The following ADIPOR1 variants were observed in gnomAD, a reference collection of about 807,000 sequenced individuals.
ADIPOR1 encodes adiponectin receptor 1, also known as adiponectin receptor protein 1.
Under a neutral mutation model 37.5 loss-of-function variants are expected in ADIPOR1, and 15 were observed. That is an observed-to-expected ratio of 0.40 (90% CI 0.27 to 0.62). The LOEUF (loss-of-function observed/expected upper bound fraction) is 0.62. Ranked by LOEUF, ADIPOR1 falls within the 20% of genes least tolerant of loss-of-function variation. The pLI is 0.42. For missense variants in ADIPOR1, 286 were observed against 478.0 expected, an observed-to-expected ratio of 0.60 and a Z score of 3.75; for synonymous variants, 173 against 173.2, an observed-to-expected ratio of 1.00 and a Z score of 0.01.
chr1:202,941,003 A>C lies in ADIPOR1; in HGVS notation c.*570T>G, dbSNP rs1301113609. The C allele has an allele frequency of 6.6e-6, 1 of 152,642 alleles. No homozygotes were observed. Among genetic ancestry groups the C allele is most frequent in the Non-Finnish European group, 1.5e-5 (1 of 68,038 alleles). 9.5% of individuals were successfully genotyped at this position (152,642 alleles called of 1,614,324 possible). The stretch of plus-strand genomic sequence containing the variant: ...CAAGAAAAAAAAAAAATTAAAACTC[A>C]AGTTACTTGAAGCCTGGACACACTT... On this transcript the variant is annotated 3_prime_UTR_variant, in exon 8 of 8. Coordinates refer to ENST00000340990, the MANE Select transcript of ADIPOR1 (RefSeq NM_015999.6).
chr1:202,944,345 A>G (rs1654219605), intron 5 of ADIPOR1: 1 of 160,782 alleles, frequency 6.2e-6, no homozygotes, highest in Non-Finnish European at 1.4e-5. Context: ...TGGGAGTAGT[A>G]TTAAGGGATA....
At chr1:202,949,969 T>G (rs1654499999) in intron 2 of ADIPOR1, among the ~76,000 whole-genome samples, 1 of 152,078 alleles carries the variant, frequency 6.6e-6, no homozygotes, top group South Asian at 2.1e-4. Flanking sequence ...CTTTATTTAT[T>G]TTTGTTTTTT....
intron 1 of ADIPOR1, among the ~76,000 whole-genome samples, chr1:202,952,020 T>C (rs1035830490): frequency 6.6e-6 from 1 of 152,200 alleles, no homozygotes; most frequent in Non-Finnish European, 1.5e-5. Context: ...AATTCCATTT[T>C]CTAGGAAAAA....
intron 1 of ADIPOR1, among the ~76,000 whole-genome samples, chr1:202,956,780 A>T (rs954990012): frequency 3.6e-4 from 55 of 152,314 alleles, no homozygotes; most frequent in African/African-American, 1.3e-3. Flanking sequence ...GGCCAGACTT[A>T]AAAAACTGAA....
At chr1:202,956,191 T>G (rs1161077257) in intron 1 of ADIPOR1, among the ~76,000 whole-genome samples, 1 of 152,196 alleles carries the variant, frequency 6.6e-6, no homozygotes, top group African/African-American at 2.4e-5. Context: ...TGATGAGTAC[T>G]GGTCCAAGAA....
chr1:202,949,943 T>A (rs1654499152), intron 2 of ADIPOR1, among the ~76,000 whole-genome samples: 1 of 152,098 alleles, frequency 6.6e-6, no homozygotes, highest in African/African-American at 2.4e-5. Context: ...TCTTATGAGG[T>A]ACTTCCTGAT....
At position 202,941,495 on chromosome 1, in the gene ADIPOR1, T is replaced by A. The variant is rs764912085; in HGVS notation, c.*78A>T. On this transcript the variant is annotated 3_prime_UTR_variant, in exon 8 of 8. Transcript: ENST00000340990. ...TCTTCTAGAAACAGACAACTCAGAC[T>A]CTTCCTCTCACTTCAGCAAAGAAGT... 6 of 1,518,268 alleles carry A rather than the reference T, an allele frequency of 4.0e-6. No individual in the cohort carries two copies. Among genetic ancestry groups the A allele is most frequent in the Non-Finnish European group, 5.3e-6 (6 of 1,133,348 alleles). 94.0% of individuals were successfully genotyped at this position (1,518,268 alleles called of 1,614,324 possible). A position where few individuals can be genotyped will look rare whatever the true frequency, so the allele number is the denominator to read the frequency against.
chr1:202,957,920 G>A (rs897034296), intron 1 of ADIPOR1, among the ~76,000 whole-genome samples: 1 of 152,230 alleles, frequency 6.6e-6, no homozygotes, highest in East Asian at 1.9e-4. Flanking sequence ...GGACTGCCGG[G>A]AGTCGGGGGA....
At position 202,942,037 on chromosome 1, in the gene ADIPOR1, T is replaced by G; in HGVS notation, c.987A>C (p.Lys329Asn). 6.2e-7 allele frequency: 1 copy of G among 1,611,650 alleles called. No homozygotes were observed. Among genetic ancestry groups the G allele is most frequent in the Non-Finnish European group, 8.5e-7 (1 of 1,178,652 alleles). ...ATTCATTTCTTACCCATATGTCAAA[T>G]TTTCCAGGAAAGAAGCGCTCAGGAA... ...ARIPERFFPGKFDIWFQSHQI... is the reference protein window; with the variant it reads ...ARIPERFFPGNFDIWFQSHQI... Residue 329 changes from lysine to asparagine, a missense_variant, in exon 7 of 8, where the codon AAA becomes AAC. Coordinates refer to ENST00000340990, the MANE Select transcript of ADIPOR1 (RefSeq NM_015999.6).
chr1:202,941,675 G>T lies in ADIPOR1; in HGVS notation c.1026C>A (p.Val342=). Residue 342 remains valine, a synonymous_variant, in exon 8 of 8, where the codon GTC becomes GTA. Coordinates refer to ENST00000340990, the MANE Select transcript of ADIPOR1 (RefSeq NM_015999.6). ...GGACAAAGGCTGCTGCCACCACCAG[G>T]ACATGGAAAATCTGATGAGACTGGA... is the stretch of plus-strand genomic sequence containing the variant. The part of the protein sequence containing the change: ...IWFQSHQIFH[V]LVVAAAFVHF... 1 of 1,614,092 alleles carries T rather than the reference G, an allele frequency of 6.2e-7. No individual in the cohort carries two copies. Among genetic ancestry groups the T allele is most frequent in the African/African-American group, 1.3e-5 (1 of 75,024 alleles).
In ADIPOR1 at chr1:202,943,793, C is replaced by T. The variant is rs944828835; in HGVS notation, c.770G>A (p.Arg257Gln). 5 of 1,613,758 alleles carry T rather than the reference C, an allele frequency of 3.1e-6. No homozygotes were observed. Among genetic ancestry groups the T allele is most frequent in the East Asian group, 2.2e-5 (1 of 44,880 alleles). ...ISAIIVAQWD[R>Q]FATPKHRQTR... ...CTGCCGGTGCTTAGGAGTGGCAAAC[C>T]GGTCCCACTGCGCCACAATGATGGC... The change falls in exon 6 of 8, where the codon CGG becomes CAG. Residue 257 changes from arginine to glutamine, a missense_variant. Arg to Gln is a conservative substitution (Grantham distance 43). Transcript: ENST00000340990.
intron 6 of ADIPOR1, 22 bp downstream of exon 6, chr1:202,943,736 G>A (rs1654192757): frequency 6.2e-7 from 1 of 1,610,992 alleles, no homozygotes; most frequent in East Asian, 2.2e-5. Flanking sequence ...CCTCTGAGGT[G>A]TACGTACATC....
chr1:202,946,256 C>T (rs1654312186), intron 4 of ADIPOR1, among the ~76,000 whole-genome samples, 183 bp downstream of exon 4: 1 of 152,012 alleles, frequency 6.6e-6, no homozygotes, highest in African/African-American at 2.4e-5. Context: ...GTTTCTAGGC[C>T]TTTTACTCTC....
intron 2 of ADIPOR1, among the ~76,000 whole-genome samples, chr1:202,948,638 T>C (rs768715697): frequency 2.6e-5 from 4 of 152,180 alleles, no homozygotes; most frequent in Admixed American, 6.5e-5. Context: ...GAACATTCTA[T>C]GCAGTGCGTA....
At chr1:202,948,219 G>T in intron 3 of ADIPOR1, 85 bp downstream of exon 3, 3 of 1,102,228 alleles carry the variant, frequency 2.7e-6, no homozygotes, top group Non-Finnish European at 3.9e-6. Flanking sequence ...AAAGCTCTTC[G>T]ACCCAGTGCA....
chr1:202,942,356 T>C (rs1571558999), intron 6 of ADIPOR1, 138 bp from the exon 7 acceptor site: 2 of 735,872 alleles, frequency 2.7e-6, no homozygotes, highest in East Asian at 5.6e-5. Context: ...GAAACTTAGC[T>C]ACAAGATGGA....
intron 4 of ADIPOR1, 59 bp from the exon 5 acceptor site, chr1:202,945,228 T>G: frequency 7.0e-7 from 1 of 1,420,466 alleles, no homozygotes; most frequent in South Asian, 1.6e-5. Context: ...TACACTTTGA[T>G]GGTTGATGTT....
At chr1:202,946,717 G>T in intron 3 of ADIPOR1, 107 bp from the exon 4 acceptor site, 1 of 1,184,574 alleles carries the variant, frequency 8.4e-7, no homozygotes, top group Non-Finnish European at 1.2e-6. Context: ...GCTCTGAATG[G>T]TCCTAGGTAA....
intron 6 of ADIPOR1, 55 bp from the exon 7 acceptor site, chr1:202,942,273 GCACTGCTGT>G: frequency 6.7e-7 from 1 of 1,496,868 alleles, no homozygotes; most frequent in Non-Finnish European, 9.1e-7. Flanking sequence ...CGCATGGAAG[GCACTGCTGT>G]CTTACTCTGG....
Sources: allele counts gnomAD v4.1 joint callset (sites outside exome capture counted in the v4.1 genomes callset), GRCh38; gene constraint gnomAD v4.1.1; transcripts MANE v1.5; gene names NCBI Gene and HGNC (gene_info 2026-07-23, HGNC 2026-07-21).